HAAO: variants seen among roughly 807,000 people sequenced by gnomAD.
HAAO encodes the protein 3-hydroxyanthranilate oxygenase.
A neutral mutation model predicts 46.2 loss-of-function variants in HAAO; 49 were observed. The observed-to-expected ratio is 1.06, with a 90% CI of 0.84 to 1.34. HAAO has a LOEUF of 1.34. Among genes scored for constraint, HAAO ranks in the 40% most tolerant of loss-of-function variants. The pLI is 0.00. For synonymous variants in HAAO, 157 were observed against 145.2 expected, an observed-to-expected ratio of 1.08 and a Z score of -0.58; for missense variants, 408 against 364.5, an observed-to-expected ratio of 1.12 and a Z score of -0.97.
At chr2:42,769,354 C>T (rs915952602) in intron 7 of HAAO, among the ~76,000 whole-genome samples, 3 of 152,224 alleles carry the variant, frequency 2.0e-5, no homozygotes, top group African/African-American at 4.8e-5. Context: ...AAGGGTGTGA[C>T]TGGCTGAAGG....
rs1338072152 is a variant in HAAO at position 42,780,037 on chromosome 2, A to G, written c.350+3277T>C. On this transcript the variant is annotated intron_variant, in intron 4 of 9. Coordinates refer to ENST00000294973, the MANE Select transcript of HAAO (RefSeq NM_012205.3). Reference sequence around the variant, plus strand: ...TTAGTGTACATCATCAGTAATAATCATAATTATATTAAATTATTGTGTGCC... The same window carrying G: ...TTAGTGTACATCATCAGTAATAATCGTAATTATATTAAATTATTGTGTGCC... 2.0e-5 allele frequency among the ~76,000 whole-genome samples: 3 copies of G among 152,172 alleles called. No individual in the cohort carries two copies. In the East Asian group the frequency reaches 5.8e-4, roughly 29 times the overall value.
intron 2 of HAAO, 53 bp from the exon 3 acceptor site, chr2:42,783,920 TG>T: frequency 6.4e-7 from 1 of 1,569,224 alleles, no homozygotes; most frequent in Non-Finnish European, 8.7e-7. Context: ...TCCAGGTCCT[TG>T]GCCACTGCCC....
At chr2:42,783,972 A>G (rs1672209037) in intron 2 of HAAO, 105 bp from the exon 3 acceptor site, 1 of 1,528,812 alleles carries the variant, frequency 6.5e-7, no homozygotes, top group East Asian at 2.5e-5. Flanking sequence ...AAACTTTCTG[A>G]AGGCCTTGGA....
chr2:42,772,252 G>T (rs896976146), intron 4 of HAAO, among the ~76,000 whole-genome samples: 1 of 151,980 alleles, frequency 6.6e-6, no homozygotes, highest in Non-Finnish European at 1.5e-5. Flanking sequence ...AGGCCGAGGT[G>T]GGTGGATCAC....
At chr2:42,777,118 A>G (rs1175302894) in intron 4 of HAAO, among the ~76,000 whole-genome samples, 1 of 151,452 alleles carries the variant, frequency 6.6e-6, no homozygotes, top group Non-Finnish European at 1.5e-5. Flanking sequence ...CCTGGCCAAC[A>G]TGGTGAAATC....
At chr2:42,783,283 T>A (rs765862004) in intron 4 of HAAO, 31 bp downstream of exon 4, 1 of 1,349,228 alleles carries the variant, frequency 7.4e-7, no homozygotes, top group Non-Finnish European at 1.1e-6. Flanking sequence ...GTTTGCCCTT[T>A]CTCTGCCCCA....
chr2:42,775,723 C>A (rs757491133), intron 4 of HAAO, among the ~76,000 whole-genome samples: 1 of 151,980 alleles, frequency 6.6e-6, no homozygotes, highest in Non-Finnish European at 1.5e-5. Context: ...TTATAGTAGC[C>A]TGGGGTTTCT....
Position 42,767,518 on chromosome 2 carries a change from G to A in HAAO, c.783-3C>T. On this transcript the variant is annotated splice_polypyrimidine_tract_variant and splice_region_variant and intron_variant, in intron 9 of 9. Coordinates refer to ENST00000294973, the MANE Select transcript of HAAO (RefSeq NM_012205.3). ...CTTGTGTTCGCTCCCAGGCATACCT[G>A]TGGACACACAGATGAGCAGGGATCA... 6.2e-7 allele frequency: 1 copy of A among 1,610,464 alleles called. No homozygotes were observed. The highest frequency in any genetic ancestry group is 8.5e-7 in the Non-Finnish European group (1 of 1,178,078).
At chr2:42,791,495 T>G (rs771559515) in intron 1 of HAAO, among the ~76,000 whole-genome samples, 1 of 143,440 alleles carries the variant, frequency 7.0e-6, no homozygotes, top group African/African-American at 3.0e-5. Context: ...CCATGTGGTA[T>G]TGCATGGTAA....
chr2:42,772,608 G>C (rs190614483), intron 4 of HAAO, among the ~76,000 whole-genome samples: 78 of 151,256 alleles, frequency 5.2e-4, no homozygotes, highest in African/African-American at 1.9e-3. Flanking sequence ...AATTTTTTTT[G>C]TTTTCCCTTT....
At chr2:42,782,869 G>A (rs556827675) in intron 4 of HAAO, 12 of 460,724 alleles carry the variant, frequency 2.6e-5, no homozygotes, top group Admixed American at 1.4e-4. Context: ...TATATTGATC[G>A]GTGTCTCATG....
chr2:42,767,502 G>C lies in HAAO; in HGVS notation c.796C>G (p.Arg266Gly). 1 of 1,611,932 alleles carries C rather than the reference G, an allele frequency of 6.2e-7. No homozygotes were observed. Among genetic ancestry groups the C allele is most frequent in the Non-Finnish European group, 8.5e-7 (1 of 1,178,918 alleles). Residue 266 changes from arginine to glycine, a missense_variant, in exon 10 of 10, where the codon CGA becomes GGA. Transcript: ENST00000294973. ...GACAGGGCCACAGAGCCTTGTGTTC[G>C]CTCCCAGGCATACCTGTGGACACAC... is the stretch of plus-strand genomic sequence containing the variant. ...VLAGTSYAWE[R>G]TQGSVALSVT...
chr2:42,787,605 G>A (rs937453724), intron 2 of HAAO, among the ~76,000 whole-genome samples: 2 of 152,274 alleles, frequency 1.3e-5, no homozygotes, highest in East Asian at 3.9e-4. Context: ...GTGTCCCAGT[G>A]CACACATGAG....
intron 7 of HAAO, 131 bp downstream of exon 7, chr2:42,769,582 T>A: frequency 1.8e-6 from 1 of 555,996 alleles, no homozygotes; most frequent in South Asian, 2.5e-5. Flanking sequence ...TGTGTGTGTG[T>A]GTGTGTGTGT....
At chr2:42,773,461 G>A (rs1047753880) in intron 4 of HAAO, among the ~76,000 whole-genome samples, 20 of 152,056 alleles carry the variant, frequency 1.3e-4, no homozygotes, top group African/African-American at 4.8e-4. Context: ...AACCCCTCTG[G>A]CCCGCTTTCC....
rs563041136 is a variant in HAAO, at chr2:42,788,238, A to G, written c.159+291T>C. 2.3e-3 allele frequency among the ~76,000 whole-genome samples: 354 copies of G among 152,304 alleles called. 2 individuals are homozygous for G. The highest frequency in any genetic ancestry group is 7.8e-3 in the African/African-American group (323 of 41,572). ...GTCCCCCTTCACATGGCCAGCCCCTATATCCAGGGGGAGGATGCCCCATGG... is the reference window on the plus strand; with the variant it reads ...GTCCCCCTTCACATGGCCAGCCCCTGTATCCAGGGGGAGGATGCCCCATGG... On this transcript the variant is annotated intron_variant, in intron 2 of 9. Transcript: ENST00000294973.
At chr2:42,786,162 C>A (rs957021233) in intron 2 of HAAO, among the ~76,000 whole-genome samples, 2 of 151,924 alleles carry the variant, frequency 1.3e-5, no homozygotes, top group Non-Finnish European at 1.5e-5. Context: ...CAGATTTAAA[C>A]CCTTACTGCC....
chr2:42,767,637 C>G lies in HAAO; in HGVS notation c.740G>C (p.Ser247Thr), dbSNP rs768805615. The G allele has an allele frequency of 1.9e-5, 30 of 1,570,414 alleles. No individual in the cohort carries two copies. Among genetic ancestry groups the G allele is most frequent in the African/African-American group, 2.7e-5 (2 of 73,940 alleles). The change falls in exon 9 of 10, where the codon AGC becomes ACC. Residue 247 changes from serine to threonine, a missense_variant. Transcript: ENST00000294973. ...SVVTMGGRRL[S>T]LAPDDSLLVL... ...CAGGAGGCTGTCATCAGGGGCCAGG[C>G]TCAGGCGCCGTCCCCCCATTGTCAC...
Position 42,769,883 on chromosome 2 carries a change from C to T in HAAO, c.485-25G>A, listed in dbSNP as rs761877654. 15 of 1,589,810 alleles carry T rather than the reference C, an allele frequency of 9.4e-6. 1 individual carries two copies. The highest frequency in any genetic ancestry group is 6.7e-5 in the East Asian group (3 of 44,742). ...TCTGCACCCACAGCATGACTATAGTCGGTGTCCTCAGGACCCAGCCCACCC... is the reference window on the plus strand; with the variant it reads ...TCTGCACCCACAGCATGACTATAGTTGGTGTCCTCAGGACCCAGCCCACCC... On this transcript the variant is annotated intron_variant, in intron 6 of 9. Transcript: ENST00000294973.
Sources: gnomAD v4.1 joint callset for allele counts (sites outside exome capture counted in the v4.1 genomes callset) on GRCh38, gnomAD v4.1.1 for gene constraint, MANE v1.5 for transcripts, NCBI Gene and HGNC (gene_info 2026-07-23, HGNC 2026-07-21) for gene names.